CNTN4: variants seen among roughly 807,000 people sequenced by gnomAD.
CNTN4 encodes the protein contactin 4.
A neutral mutation model predicts 122.5 loss-of-function variants in CNTN4; 77 were observed. The ratio of observed to expected loss-of-function variants is 0.63; its 90% CI spans 0.52 to 0.76. CNTN4 has a LOEUF of 0.76. CNTN4 is among the 30% of genes least tolerant of loss of function. CNTN4 has a pLI of 0.00. For missense variants in CNTN4, 1,256 were observed against 1,259.1 expected, an observed-to-expected ratio of 1.00 and a Z score of 0.04; for synonymous variants, 512 against 447.0, an observed-to-expected ratio of 1.15 and a Z score of -1.83.
At chr3:2,816,375 TAAATA>T (rs1181784905) in intron 6 of CNTN4, among the ~76,000 whole-genome samples, 6 of 150,272 alleles carry the variant, frequency 4.0e-5, no homozygotes, top group South Asian at 2.1e-4. Flanking sequence ...AAAAAATAAA[TAAATA>T]AAATAAATAA....
At chr3:3,036,908 T>C (rs1699663189) in intron 17 of CNTN4, among the ~76,000 whole-genome samples, 2 of 152,316 alleles carry the variant, frequency 1.3e-5, no homozygotes, top group East Asian at 1.9e-4. Context: ...ATAGTAATGA[T>C]TGAGTCAGGT....
chr3:2,431,462 T>C (rs2048067174), intron 3 of CNTN4, among the ~76,000 whole-genome samples: 1 of 152,246 alleles, frequency 6.6e-6, no homozygotes, highest in Non-Finnish European at 1.5e-5. Context: ...GAAAAGGTGC[T>C]TTTGATACAA....
chr3:2,148,164 A>G (rs935787225), intron 2 of CNTN4, among the ~76,000 whole-genome samples: 42 of 152,140 alleles, frequency 2.8e-4, no homozygotes, highest in Admixed American at 1.8e-3. Flanking sequence ...ACTAATTGCA[A>G]TTCTGCAGAT....
chr3:2,740,094 C>T (rs1345418628), intron 5 of CNTN4, among the ~76,000 whole-genome samples: 1 of 152,138 alleles, frequency 6.6e-6, no homozygotes, highest in Non-Finnish European at 1.5e-5. Flanking sequence ...CAGTGGCTCA[C>T]GCCTGTAATC....
intron 3 of CNTN4, among the ~76,000 whole-genome samples, chr3:2,461,212 T>G (rs2049193769): frequency 6.6e-6 from 1 of 152,282 alleles, no homozygotes; most frequent in African/African-American, 2.4e-5. Flanking sequence ...CTTAAATAAC[T>G]TAGTTCTCCT....
chr3:2,554,295 A>C (rs2149381475), intron 3 of CNTN4, among the ~76,000 whole-genome samples: 1 of 152,156 alleles, frequency 6.6e-6, no homozygotes. Context: ...GTAAGTTTTA[A>C]CTGGCTAGTT....
At chr3:2,305,118 T>G (rs1433421757) in intron 2 of CNTN4, among the ~76,000 whole-genome samples, 1 of 152,110 alleles carries the variant, frequency 6.6e-6, no homozygotes, top group African/African-American at 2.4e-5. Context: ...ATCAATTGTT[T>G]TCAAATGTTG....
intron 2 of CNTN4, among the ~76,000 whole-genome samples, chr3:2,173,026 A>G (rs940856365): frequency 1.8e-4 from 28 of 152,206 alleles, no homozygotes; most frequent in Non-Finnish European, 3.7e-4. Flanking sequence ...GATTGTGCTG[A>G]TATCAGTCAT....
At position 2,314,496 on chromosome 3, in the gene CNTN4, C is replaced by T. The variant is rs11129098; in HGVS notation, c.-144-24682C>T. Among the ~76,000 whole-genome samples the T allele has an allele frequency of 2.6e-5, 4 of 151,858 alleles. No homozygotes were observed. The East Asian group carries it at 7.7e-4, about 29-fold the overall frequency. On this transcript the variant is annotated intron_variant, in intron 2 of 24. Transcript: ENST00000418658. ...GCTGTATAAATGTGGATTATATGAG[C>T]ATGATGTGATAATAGGTGAAAGGGT...
At chr3:2,432,639 T>G (rs1369557634) in intron 3 of CNTN4, among the ~76,000 whole-genome samples, 5 of 151,920 alleles carry the variant, frequency 3.3e-5, no homozygotes, top group African/African-American at 1.2e-4. Flanking sequence ...TGTGTGTGTA[T>G]GTATGTGTAT....
intron 3 of CNTN4, 109 bp from the exon 4 acceptor site, chr3:2,571,307 G>T (rs771672206): frequency 1.5e-5 from 9 of 620,572 alleles, no homozygotes; most frequent in Non-Finnish European, 2.0e-5. Flanking sequence ...CCCTCCAATG[G>T]TACTTTCCCA....
intron 4 of CNTN4, among the ~76,000 whole-genome samples, chr3:2,647,703 G>A (rs911365576): frequency 6.6e-6 from 1 of 152,032 alleles, no homozygotes; most frequent in Non-Finnish European, 1.5e-5. Flanking sequence ...TCTGTAAAAG[G>A]GGACATATTT....
In CNTN4 at chr3:3,030,981, G is replaced by T. The variant is rs763066268; in HGVS notation, c.1783+6G>T. On this transcript the variant is annotated splice_donor_region_variant and intron_variant, in intron 16 of 24. Transcript: ENST00000418658. ...TGCAGACCTGATTGTAAGAGGTACT[G>T]GATTTTGTTGTTATTGTTGTTCTTG... 3 of 1,613,950 alleles carry T rather than the reference G, an allele frequency of 1.9e-6. No individual in the cohort carries two copies. Among genetic ancestry groups the T allele is most frequent in the Non-Finnish European group, 2.5e-6 (3 of 1,179,858 alleles).
chr3:2,789,843 TG>T (rs2091954138), intron 6 of CNTN4, among the ~76,000 whole-genome samples: 1 of 152,228 alleles, frequency 6.6e-6, no homozygotes, highest in African/African-American at 2.4e-5. Flanking sequence ...TATATCTGAT[TG>T]CAAGATTAAG....
At chr3:2,269,297 A>G (rs887477788) in intron 2 of CNTN4, among the ~76,000 whole-genome samples, 1 of 152,156 alleles carries the variant, frequency 6.6e-6, no homozygotes, top group Non-Finnish European at 1.5e-5. Context: ...TGTGGGTGGC[A>G]TGCTTACTGA....
At chr3:2,885,447 T>C (rs1241485273) in intron 9 of CNTN4, among the ~76,000 whole-genome samples, 3 of 152,196 alleles carry the variant, frequency 2.0e-5, no homozygotes, top group Non-Finnish European at 4.4e-5. Context: ...GGTAAGGTTC[T>C]CAATATATAA....
chr3:2,151,693 T>G (rs1158939283), intron 2 of CNTN4, among the ~76,000 whole-genome samples: 1 of 152,158 alleles, frequency 6.6e-6, no homozygotes, highest in East Asian at 1.9e-4. Flanking sequence ...GATTAATGGA[T>G]TAATGACTAA....
intron 5 of CNTN4, among the ~76,000 whole-genome samples, chr3:2,743,179 T>A (rs2089557427): frequency 1.3e-5 from 2 of 152,102 alleles, no homozygotes; most frequent in African/African-American, 4.8e-5. Context: ...ATGTTGCGAT[T>A]TCCTTTTTGA....
chr3:2,914,484 A>G (rs1464668912), intron 12 of CNTN4, among the ~76,000 whole-genome samples: 3 of 152,204 alleles, frequency 2.0e-5, no homozygotes, highest in East Asian at 1.9e-4. Context: ...AGAAATAAAA[A>G]GAGTATAAAG....
Sources: allele counts gnomAD v4.1 joint callset (sites outside exome capture counted in the v4.1 genomes callset), GRCh38; gene constraint gnomAD v4.1.1; transcripts MANE v1.5; gene names NCBI Gene and HGNC (gene_info 2026-07-23, HGNC 2026-07-21).